The following PITPNM2 variants were observed in gnomAD, a reference collection of about 807,000 sequenced individuals.
PITPNM2 encodes membrane-associated phosphatidylinositol transfer protein 2.
In PITPNM2, 35 loss-of-function variants were observed where a neutral mutation model predicts 132.2. The observed-to-expected ratio is 0.26, with a 90% CI of 0.20 to 0.35. The LOEUF (loss-of-function observed/expected upper bound fraction) is 0.35. PITPNM2 is among the 10% of genes least tolerant of loss of function. PITPNM2 has a pLI of 1.00. For synonymous variants in PITPNM2, 738 were observed against 799.2 expected, an observed-to-expected ratio of 0.92 and a Z score of 1.29; for missense variants, 1,332 against 1,912.0, an observed-to-expected ratio of 0.70 and a Z score of 5.66.
chr12:123,108,860 G>A lies in PITPNM2; in HGVS notation c.-96+1525C>T, dbSNP rs555770187. 6.6e-6 allele frequency among the ~76,000 whole-genome samples: 1 copy of A among 152,266 alleles called. No homozygotes were observed. Among genetic ancestry groups the A allele is most frequent in the Admixed American group, 6.5e-5 (1 of 15,298 alleles). ...CCCGGAGAAGGGAAGGGACTTACCC[G>A]AGATCAGACAGCAAGTAACAGTTGA... On this transcript the variant is annotated intron_variant, in intron 2 of 25. Transcript: ENST00000320201. This position sits in a 1 kb window ranked among gnomAD's most constrained non-coding sequence, Gnocchi z 4.4.
intron 2 of PITPNM2, among the ~76,000 whole-genome samples, chr12:123,059,672 C>T (rs1184919810): frequency 1.3e-5 from 2 of 152,168 alleles, no homozygotes; most frequent in South Asian, 2.1e-4. Context: ...AAATGGTGAG[C>T]TTGTAGCACA....
At chr12:123,139,449 C>T (rs999589874) in intron 1 of PITPNM2, among the ~76,000 whole-genome samples, 5 of 150,364 alleles carry the variant, frequency 3.3e-5, no homozygotes, top group East Asian at 2.0e-4. Flanking sequence ...TGCAATGAGG[C>T]GAGATCGTGC....
rs181020803 is a variant in PITPNM2 at position 123,025,605 on chromosome 12, T to C, written c.78+8908A>G. Among the ~76,000 whole-genome samples, 40 of 152,180 alleles carry C rather than the reference T, an allele frequency of 2.6e-4. 1 individual carries two copies. Among genetic ancestry groups the C allele is most frequent in the Middle Eastern group, 3.4e-3 (1 of 294 alleles). On this transcript the variant is annotated intron_variant, in intron 3 of 25. Transcript: ENST00000320201. ...GAGCCACCACACCTGGCTAATTTTG[T>C]ATTTTTACTAGAGATGGGGTTTCAC...
At chr12:123,016,335 G>T (rs11061350) in intron 3 of PITPNM2, among the ~76,000 whole-genome samples, 3,907 of 140,040 alleles carry the variant, frequency 0.028, 70 homozygotes, top group South Asian at 0.053. Flanking sequence ...TTTTTTTTTT[G>T]ATATGAAATC....
chr12:123,034,338 G>C (rs2040199239), intron 3 of PITPNM2, 175 bp downstream of exon 3: 1 of 612,372 alleles, frequency 1.6e-6, no homozygotes, highest in African/African-American at 1.8e-5. Context: ...GGTGTGCTCT[G>C]TGCGCCTGGC....
intron 1 of PITPNM2, among the ~76,000 whole-genome samples, chr12:123,132,997 G>A (rs1282844680): frequency 6.6e-6 from 1 of 152,190 alleles, no homozygotes; most frequent in African/African-American, 2.4e-5. Flanking sequence ...GCTGAGAACA[G>A]CACTACTATG....
intron 2 of PITPNM2, 124 bp from the exon 3 acceptor site, chr12:123,034,809 C>T (rs936717582): frequency 1.9e-6 from 1 of 531,886 alleles, no homozygotes; most frequent in African/African-American, 1.9e-5. Context: ...CAGGCATGAT[C>T]CAACGGTGCA....
intron 1 of PITPNM2, among the ~76,000 whole-genome samples, chr12:123,125,436 A>G (rs2043117197): frequency 6.6e-6 from 1 of 152,210 alleles, no homozygotes; most frequent in African/African-American, 2.4e-5. Flanking sequence ...CTGATGGTTC[A>G]TTTAAGTTGA....
In PITPNM2 at chr12:123,012,689, G is replaced by C; in HGVS notation, c.339C>G (p.Thr113=). ...TTTCTCCAGCATCAGTTTTATAAAA[G>C]GTTTCAATGTCGATGGAGAATTTCT... ...FVEKFSIDIE[T]FYKTDAGENP... Residue 113 remains threonine, a synonymous_variant, in exon 5 of 26, where the codon ACC becomes ACG. Transcript: ENST00000320201. 6.2e-7 allele frequency: 1 copy of C among 1,614,138 alleles called. No individual in the cohort carries two copies. Among genetic ancestry groups the C allele is most frequent in the Non-Finnish European group, 8.5e-7 (1 of 1,179,976 alleles).
At chr12:123,056,808 G>A (rs906679443) in intron 2 of PITPNM2, among the ~76,000 whole-genome samples, 6 of 152,044 alleles carry the variant, frequency 3.9e-5, no homozygotes, top group African/African-American at 1.4e-4. Context: ...ATCAAGATGG[G>A]TGCTAAGAAT....
intron 3 of PITPNM2, among the ~76,000 whole-genome samples, chr12:123,025,802 A>G (rs1344081572): frequency 1.3e-5 from 2 of 152,206 alleles, no homozygotes; most frequent in South Asian, 4.1e-4. Flanking sequence ...CTCTTCCAGT[A>G]GCATCATTTA....
chr12:123,070,732 G>A (rs2041598314), intron 2 of PITPNM2, among the ~76,000 whole-genome samples: 1 of 152,200 alleles, frequency 6.6e-6, no homozygotes, highest in South Asian at 2.1e-4. Context: ...GGGGAGCTTA[G>A]GCCTGCCCCC....
intron 8 of PITPNM2, among the ~76,000 whole-genome samples, chr12:123,003,942 A>T (rs1283278297): frequency 6.6e-6 from 1 of 152,210 alleles, no homozygotes; most frequent in Non-Finnish European, 1.5e-5. Flanking sequence ...GGCACTTCAC[A>T]TGTTTTCTGC....
chr12:123,151,358 G>A (rs1431055469), upstream of PITPNM2, among the ~76,000 whole-genome samples: 1 of 151,802 alleles, frequency 6.6e-6, no homozygotes, highest in Non-Finnish European at 1.5e-5. Flanking sequence ...TCCCCGCCCC[G>A]GGCTCCTCGC....
intron 2 of PITPNM2, among the ~76,000 whole-genome samples, chr12:123,076,992 G>A (rs1216406618): frequency 2.6e-5 from 4 of 152,146 alleles, no homozygotes; most frequent in East Asian, 1.9e-4. Context: ...GTGTCTCCCC[G>A]GGCTGCGCTG....
At position 122,992,647 on chromosome 12, in the gene PITPNM2, G is replaced by A. The variant is rs2038244650; in HGVS notation, c.2256C>T (p.Cys752=). 5.1e-6 allele frequency: 8 copies of A among 1,572,056 alleles called. No homozygotes were observed. The highest frequency in any genetic ancestry group is 3.6e-5 in the Admixed American group (2 of 56,208). ...GGTGGAAGAGGTTGTAGACTTGCTG[G>A]CAGGCCGGCCGCAGCTGGAAAACTG... ...ALDVFQLRPA[C]QQVYNLFHPA... The change falls in exon 16 of 26, where the codon TGC becomes TGT. Residue 752 remains cysteine (C), a synonymous_variant. Coordinates refer to ENST00000320201, the MANE Select transcript of PITPNM2 (RefSeq NM_020845.3). The surrounding 1 kb of genome is among the most constrained non-coding windows in gnomAD (Gnocchi z 6.5).
At chr12:123,136,901 T>A (rs141838768) in intron 1 of PITPNM2, among the ~76,000 whole-genome samples, 2,219 of 152,086 alleles carry the variant, frequency 0.015, 33 homozygotes, top group South Asian at 0.017. Context: ...TCAAAAAAAA[T>A]AATAATAATA....
Position 123,005,565 on chromosome 12 carries a change from T to C in PITPNM2, c.644-17A>G, listed in dbSNP as rs781259363. On this transcript the variant is annotated splice_polypyrimidine_tract_variant and intron_variant, in intron 6 of 25. Transcript: ENST00000320201. This position sits in a 1 kb window ranked among gnomAD's most constrained non-coding sequence, Gnocchi z 6.2. ...TCCGTAGTCCTGTGCCCCATGGGGA[T>C]CAGAGAGGGAGAGACGAGGGGAGGG... The C allele has an allele frequency of 6.2e-7, 1 of 1,607,208 alleles. No homozygotes were observed. The highest frequency in any genetic ancestry group is 1.1e-5 in the South Asian group (1 of 90,874).
At chr12:122,986,980 G>A (rs1371704756) in intron 23 of PITPNM2, 151 bp from the exon 24 acceptor site, 2 of 1,141,234 alleles carry the variant, frequency 1.8e-6, no homozygotes, top group East Asian at 5.2e-5. Context: ...ATGACGTGCT[G>A]CAGCAGGCCC....
Sources: gnomAD v4.1 joint callset for allele counts (sites outside exome capture counted in the v4.1 genomes callset) on GRCh38, gnomAD v4.1.1 for gene constraint, Gnocchi (gnomAD v3.1) non-coding constraint, MANE v1.5 for transcripts, NCBI Gene and HGNC (gene_info 2026-07-23, HGNC 2026-07-21) for gene names.